Variants in MFF observed in about 807,000 individuals in gnomAD.
The protein encoded by MFF is chromosome 2 open reading frame 33.
MFF carries 12 observed loss-of-function variants against 36.9 expected under a neutral mutation model. The observed-to-expected ratio is 0.33, with a 90% CI of 0.21 to 0.53. The LOEUF is 0.53. Among genes scored for constraint, MFF ranks in the 20% least tolerant of loss-of-function variants. The pLI, the probability that MFF is intolerant of heterozygous loss-of-function variation, is 0.95. For missense variants in MFF, 348 were observed against 366.6 expected (o/e 0.95, Z 0.42); for synonymous variants, 99 against 126.2 (o/e 0.78, Z 1.44).
intron 7 of MFF, among the ~76,000 whole-genome samples, chr2:227,353,491 T>C (rs1224001578): frequency 6.6e-6 from 1 of 152,188 alleles, no homozygotes; most frequent in Non-Finnish European, 1.5e-5. Flanking sequence ...AGCGTGCCTG[T>C]GGTAATCCCT....
At chr2:227,353,186 G>A (rs1005548830) in intron 7 of MFF, among the ~76,000 whole-genome samples, 3 of 152,036 alleles carry the variant, frequency 2.0e-5, no homozygotes, top group African/African-American at 7.2e-5. Context: ...TTCCTGACAC[G>A]CACAGAGGCT....
chr2:227,330,760 C>G lies in MFF; in HGVS notation c.95C>G (p.Pro32Arg). Residue 32 changes from proline (P) to arginine (R), a missense_variant, in exon 3 of 9, where the codon CCA (proline) becomes CGA (arginine). Physicochemically the swap from Pro to Arg is moderately radical, Grantham distance 103. Transcript: ENST00000304593. ...CCAGAAAAGTTAAAAGTAGCACCGCCAAACGCTGACCTGGAACAAGGATTC... is the reference window on the plus strand; with the variant it reads ...CCAGAAAAGTTAAAAGTAGCACCGCGAAACGCTGACCTGGAACAAGGATTC... ...RVPEKLKVAP[P>R]NADLEQGFQE... 1 of 1,614,190 alleles carries G rather than the reference C, an allele frequency of 6.2e-7. No homozygotes were observed. Among genetic ancestry groups the G allele is most frequent in the Non-Finnish European group, 8.5e-7 (1 of 1,180,020 alleles).
At position 227,331,959 on chromosome 2, in the gene MFF, ATTTTTTTTTTTT is replaced by A. The variant is rs10549336; in HGVS notation, c.182-441_182-430del. 2.5e-3 allele frequency among the ~76,000 whole-genome samples: 195 copies of A among 76,840 alleles called. 3 individuals carry two copies. In the East Asian group the frequency reaches 0.058, roughly 23 times the overall value. 50.4% of individuals were successfully genotyped at this position (76,840 alleles called of 152,430 possible). On this transcript the variant is annotated intron_variant, in intron 3 of 8. Transcript: ENST00000304593. ...AGTGAAATGTCAATACGCTGGAAGC[ATTTTTTTTTTTT>A]TTTTTTTTTTTTTTTTTTGAGACGG... is the stretch of plus-strand genomic sequence containing the variant.
At position 227,342,810 on chromosome 2, in the gene MFF, C is replaced by A. The variant is rs752060091; in HGVS notation, c.440+2430C>A. ...AGGTTCCAGGCACCGATTTCTGCAC[C>A]GGAGTACACGTAAGATTTTATCTGC... On this transcript the variant is annotated intron_variant, in intron 5 of 8. Transcript: ENST00000304593. 3.7e-6 allele frequency: 6 copies of A among 1,613,090 alleles called. No homozygotes were observed. In the African/African-American group the frequency reaches 8.0e-5, roughly 22 times the overall value.
intron 5 of MFF, among the ~76,000 whole-genome samples, chr2:227,344,778 C>CT (rs2075618736): frequency 6.6e-6 from 1 of 151,438 alleles, no homozygotes; most frequent in Non-Finnish European, 1.5e-5. Flanking sequence ...GATTGCCATA[C>CT]ACATGAATGA....
At chr2:227,348,396 C>T (rs981793334) in intron 6 of MFF, among the ~76,000 whole-genome samples, 1 of 152,170 alleles carries the variant, frequency 6.6e-6, no homozygotes, top group South Asian at 2.1e-4. Flanking sequence ...CCTTTCTGAG[C>T]CTTCCCAGAG....
intron 2 of MFF, chr2:227,329,537 A>G: frequency 2.3e-6 from 1 of 429,924 alleles, no homozygotes. Flanking sequence ...GTAGATATTT[A>G]CTTTTATTCA....
chr2:227,347,930 C>G (rs539792752), intron 6 of MFF, among the ~76,000 whole-genome samples: 3 of 152,278 alleles, frequency 2.0e-5, no homozygotes, highest in Non-Finnish European at 2.9e-5. Context: ...GATAATTTAT[C>G]TCACTTTTGA....
At chr2:227,339,710 GGAAA>G (rs1229970024) in intron 4 of MFF, among the ~76,000 whole-genome samples, 2 of 152,152 alleles carry the variant, frequency 1.3e-5, no homozygotes, top group Non-Finnish European at 2.9e-5. Flanking sequence ...GAATTTCAGG[GGAAA>G]GAAACAGATC....
chr2:227,357,154 C>A lies in MFF; in HGVS notation c.*37C>A, dbSNP rs1279597467. ...GCCCTCAAAAATACTGTCTCAACAGCTGGAAATATAAAAGATTTGCAAACT... is the reference window on the plus strand; with the variant it reads ...GCCCTCAAAAATACTGTCTCAACAGATGGAAATATAAAAGATTTGCAAACT... On this transcript the variant is annotated 3_prime_UTR_variant, in exon 9 of 9. Transcript: ENST00000304593. 6 of 1,591,030 alleles carry A rather than the reference C, an allele frequency of 3.8e-6. No individual in the cohort carries two copies. The highest frequency in any genetic ancestry group is 4.3e-6 in the Non-Finnish European group (5 of 1,171,230).
At chr2:227,356,043 G>T (rs1482929686) in intron 8 of MFF, among the ~76,000 whole-genome samples, 1 of 152,190 alleles carries the variant, frequency 6.6e-6, no homozygotes, top group Non-Finnish European at 1.5e-5. Flanking sequence ...CTTTTGAAAT[G>T]TGGAACAATT....
Position 227,326,347 on chromosome 2 carries a change from A to AT in MFF, c.-153+926dup, listed in dbSNP as rs536715697. On this transcript the variant is annotated intron_variant, in intron 1 of 8. Transcript: ENST00000304593. ...TGTTTTGTCTCCCTGCGTGAAAAAC[A>AT]TTTTTTCTGCCTCAATTCCGTTGGC... Among the ~76,000 whole-genome samples the AT allele has an allele frequency of 1.4e-4, 21 of 151,898 alleles. No homozygotes were observed. The South Asian group carries it at 4.4e-3, about 32-fold the overall frequency.
chr2:227,330,882 T>TG, intron 3 of MFF, 36 bp downstream of exon 3: 1 of 1,522,728 alleles, frequency 6.6e-7, no homozygotes, highest in South Asian at 1.2e-5. Flanking sequence ...GCCTGTTAAA[T>TG]CTTTGTTTTA....
At chr2:227,327,346 C>A (rs192563199) in intron 1 of MFF, among the ~76,000 whole-genome samples, 44 of 152,182 alleles carry the variant, frequency 2.9e-4, no homozygotes, top group South Asian at 1.0e-3. Flanking sequence ...TACAAAACTT[C>A]TGGAATTAAC....
At chr2:227,332,621 A>G (rs2106356170) in intron 4 of MFF, 33 bp downstream of exon 4, 2 of 1,528,496 alleles carry the variant, frequency 1.3e-6, no homozygotes, top group South Asian at 2.4e-5. Flanking sequence ...CGGAATTTGA[A>G]ATAATGTAGA....
rs767374783 is a variant in MFF at position 227,340,184 on chromosome 2, C to T, written c.352-108C>T. 35 of 813,444 alleles carry T rather than the reference C, an allele frequency of 4.3e-5. No individual in the cohort carries two copies. The South Asian group carries it at 6.1e-4, about 14-fold the overall frequency. 50.4% of individuals were successfully genotyped at this position (813,444 alleles called of 1,614,324 possible). ...AATTCTTGGTTGCCTTTTCTTAGTT[C>T]GTTGTAAGTTTTTTGAGTAGCCTTG... On this transcript the variant is annotated intron_variant, in intron 4 of 8. Coordinates refer to ENST00000304593, the MANE Select transcript of MFF (RefSeq NM_001277062.2).
chr2:227,338,089 C>T (rs113825954), intron 4 of MFF, among the ~76,000 whole-genome samples: 4,065 of 151,790 alleles, frequency 0.027, 191 homozygotes, highest in African/African-American at 0.093. Context: ...ACATCCAGGC[C>T]GGGCATGGTG....
In MFF at chr2:227,328,790, G is replaced by A. The variant is rs763555666; in HGVS notation, c.-41+1G>A. 8.1e-6 allele frequency: 1 copy of A among 123,790 alleles called. No homozygotes were observed. The highest frequency in any genetic ancestry group is 4.0e-5 in the African/African-American group (1 of 24,848). The allele number at this position is 123,790 out of a possible 1,614,324, so 7.7% of individuals were successfully genotyped here. On this transcript the variant is annotated splice_donor_variant, in intron 2 of 8. Transcript: ENST00000304593. LOFTEE classifies it low-confidence loss of function (5UTR_SPLICE). Reference sequence around the variant, plus strand: ...AGCAAGCAGTAGTTGTTACACATTTGTGAGTAAAAATGGTCCCTTTTGGCT... The same window carrying A: ...AGCAAGCAGTAGTTGTTACACATTTATGAGTAAAAATGGTCCCTTTTGGCT...
At chr2:227,333,629 C>T (rs943413911) in intron 4 of MFF, among the ~76,000 whole-genome samples, 5 of 152,084 alleles carry the variant, frequency 3.3e-5, no homozygotes, top group African/African-American at 9.7e-5. Context: ...AAGACATCAA[C>T]GCATGCAGAA....
Sources: allele counts gnomAD v4.1 joint callset (sites outside exome capture counted in the v4.1 genomes callset), GRCh38; gene constraint gnomAD v4.1.1; transcripts MANE v1.5; gene names NCBI Gene and HGNC (gene_info 2026-07-23, HGNC 2026-07-21).